SNED1: variants seen among roughly 807,000 people sequenced by gnomAD.
SNED1 encodes sushi, nidogen and EGF like domains 1.
In SNED1, 81 loss-of-function variants were observed where a neutral mutation model predicts 166.7. That is an observed-to-expected ratio of 0.49 (90% CI 0.41 to 0.58). The LOEUF is 0.58. Among genes scored for constraint, SNED1 ranks in the 20% least tolerant of loss-of-function variants. The pLI is 0.00. For synonymous variants in SNED1, 762 were observed against 822.0 expected (o/e 0.93, Z 1.25); for missense variants, 1,604 against 2,000.2 (o/e 0.80, Z 3.78).
intron 21 of SNED1, among the ~76,000 whole-genome samples, chr2:241,067,381 T>C (rs935593057): frequency 2.1e-4 from 32 of 152,212 alleles, no homozygotes; most frequent in Non-Finnish European, 1.6e-4. Context: ...GGCCCGGATG[T>C]GTGCTCTTAG....
At chr2:241,034,234 C>T (rs1190328440) in intron 3 of SNED1, among the ~76,000 whole-genome samples, 2 of 152,208 alleles carry the variant, frequency 1.3e-5, no homozygotes, top group South Asian at 2.1e-4. Flanking sequence ...GGGAATGAAA[C>T]AGGACAATGG....
chr2:241,049,752 A>G (rs1472227229), intron 11 of SNED1, 65 bp from the exon 12 acceptor site: 3 of 1,287,520 alleles, frequency 2.3e-6, no homozygotes, highest in Middle Eastern at 2.2e-4. Context: ...GGTGCCCGCC[A>G]GCCTCTTGCC....
At chr2:241,009,505 A>G (rs530815699) in intron 1 of SNED1, among the ~76,000 whole-genome samples, 17 of 152,084 alleles carry the variant, frequency 1.1e-4, no homozygotes, top group Non-Finnish European at 2.2e-4. Context: ...GCTGGTGGAG[A>G]GGGAGAGGCT....
intron 6 of SNED1, among the ~76,000 whole-genome samples, chr2:241,038,554 G>C (rs1333236361): frequency 6.6e-6 from 1 of 152,260 alleles, no homozygotes; most frequent in Non-Finnish European, 1.5e-5. Flanking sequence ...AGTGACCCCA[G>C]TTATCCCTTG....
intron 27 of SNED1, among the ~76,000 whole-genome samples, chr2:241,076,903 C>G (rs948382915): frequency 7.2e-5 from 11 of 152,122 alleles, no homozygotes; most frequent in Non-Finnish European, 1.5e-4. Flanking sequence ...CATGGTGAAA[C>G]CCCGTCTCTA....
chr2:241,012,783 AG>A (rs1300836175), intron 1 of SNED1, among the ~76,000 whole-genome samples: 4 of 151,356 alleles, frequency 2.6e-5, no homozygotes, highest in Admixed American at 1.3e-4. Context: ...TTACTCTCTT[AG>A]CAAATTTCAA....
At chr2:241,065,185 C>G (rs1014673952) in intron 20 of SNED1, 114 bp from the exon 21 acceptor site, 1 of 1,096,982 alleles carries the variant, frequency 9.1e-7, no homozygotes, top group Non-Finnish European at 1.3e-6. Context: ...ACTCTGCCAG[C>G]GATGGCTGTG....
At chr2:241,025,707 G>T (rs1282843936) in intron 1 of SNED1, among the ~76,000 whole-genome samples, 3 of 151,924 alleles carry the variant, frequency 2.0e-5, no homozygotes, top group Admixed American at 2.0e-4. Flanking sequence ...TCTTTATTTT[G>T]CCTTCCATAG....
At chr2:240,998,137 T>G (rs2059968445), upstream of SNED1, among the ~76,000 whole-genome samples, 1 of 152,232 alleles carries the variant, frequency 6.6e-6, no homozygotes, top group African/African-American at 2.4e-5. Flanking sequence ...CCATGCCTCC[T>G]AGTCTCCGGC....
At chr2:241,062,099 ATTG>A (rs1163672763) in intron 16 of SNED1, among the ~76,000 whole-genome samples, 1 of 152,230 alleles carries the variant, frequency 6.6e-6, no homozygotes, top group Non-Finnish European at 1.5e-5. Context: ...AACATTCACT[ATTG>A]TTTAGGCAAT....
intron 1 of SNED1, among the ~76,000 whole-genome samples, chr2:241,002,951 C>T (rs57969004): frequency 0.029 from 4,413 of 152,096 alleles, 433 homozygotes; most frequent in East Asian, 0.28. Flanking sequence ...TGTCCATCCC[C>T]ACTTGCCTGG....
At position 241,036,686 on chromosome 2, in the gene SNED1, C is replaced by T. The variant is rs1015176358; in HGVS notation, c.806-104C>T. 7.8e-5 allele frequency: 117 copies of T among 1,502,324 alleles called. 1 individual carries two copies. In the African/African-American group the frequency reaches 8.5e-4, roughly 11 times the overall value. 93.1% of individuals were successfully genotyped at this position (1,502,324 alleles called of 1,614,324 possible). ...TGCGGTCACCCGGGCACCCAGAGGCCGACCTTTTGGGTCAGGGGAGGGAAG... is the reference window on the plus strand; with the variant it reads ...TGCGGTCACCCGGGCACCCAGAGGCTGACCTTTTGGGTCAGGGGAGGGAAG... On this transcript the variant is annotated intron_variant, in intron 4 of 31. Coordinates refer to ENST00000310397, the MANE Select transcript of SNED1 (RefSeq NM_001080437.3).
chr2:241,036,288 T>TAGGGAGTCCGGGCTCACGGGGC (rs1480489501), intron 4 of SNED1, among the ~76,000 whole-genome samples: 5 of 151,558 alleles, frequency 3.3e-5, no homozygotes, highest in African/African-American at 1.2e-4. Flanking sequence ...CATCTGAGCT[T>TAGGGAGTCCGGGCTCACGGGGC]AGGGAGTCCG....
intron 27 of SNED1, among the ~76,000 whole-genome samples, chr2:241,077,612 C>A (rs1018652998): frequency 6.6e-6 from 1 of 152,060 alleles, no homozygotes; most frequent in Non-Finnish European, 1.5e-5. Context: ...CATACCTGAT[C>A]AGAGACCCAT....
At chr2:241,016,195 T>C (rs2060583976) in intron 1 of SNED1, among the ~76,000 whole-genome samples, 2 of 142,704 alleles carry the variant, frequency 1.4e-5, no homozygotes, top group Admixed American at 6.9e-5. Flanking sequence ...TGGATTTTTT[T>C]TTTTTTTTTT....
rs950978247 is a variant in SNED1, at chr2:241,069,479, C to T, written c.3308-441C>T. Reference sequence around the variant, plus strand: ...GCAGGGGAGGGACAGGTGAACTGGGCAGAGGGGAGGCTGCAGCTCCCTCTG... The same window carrying T: ...GCAGGGGAGGGACAGGTGAACTGGGTAGAGGGGAGGCTGCAGCTCCCTCTG... On this transcript the variant is annotated intron_variant, in intron 23 of 31. Coordinates refer to ENST00000310397, the MANE Select transcript of SNED1 (RefSeq NM_001080437.3). The surrounding 1 kb of genome is among the most constrained non-coding windows in gnomAD (Gnocchi z 4.9). 1.3e-5 allele frequency among the ~76,000 whole-genome samples: 2 copies of T among 152,168 alleles called. No individual in the cohort carries two copies. The highest frequency in any genetic ancestry group is 2.9e-5 in the Non-Finnish European group (2 of 68,010).
chr2:241,069,162 G>T lies in SNED1; in HGVS notation c.3307+139G>T. Reference sequence around the variant, plus strand: ...CCCTGGCCTCCCAGATGTCTCTTCCGCTGGGGCCACTGGGCAGGAGCCGCT... The same window carrying T: ...CCCTGGCCTCCCAGATGTCTCTTCCTCTGGGGCCACTGGGCAGGAGCCGCT... On this transcript the variant is annotated intron_variant, in intron 23 of 31. Coordinates refer to ENST00000310397, the MANE Select transcript of SNED1 (RefSeq NM_001080437.3). The surrounding 1 kb of genome is among the most constrained non-coding windows in gnomAD (Gnocchi z 4.9). The T allele has an allele frequency of 3.2e-6, 2 of 623,522 alleles. No homozygotes were observed. Among genetic ancestry groups the T allele is most frequent in the Admixed American group, 3.1e-5 (1 of 32,772 alleles). 38.6% of individuals were successfully genotyped at this position (623,522 alleles called of 1,614,324 possible).
At chr2:241,036,576 C>G (rs1429492528) in intron 4 of SNED1, among the ~76,000 whole-genome samples, 1 of 152,146 alleles carries the variant, frequency 6.6e-6, no homozygotes, top group African/African-American at 2.4e-5. Flanking sequence ...AGCCACCTCC[C>G]CAGAGGCCAC....
intron 1 of SNED1, among the ~76,000 whole-genome samples, chr2:241,000,847 C>A (rs1265672442): frequency 6.6e-6 from 1 of 152,234 alleles, no homozygotes; most frequent in Non-Finnish European, 1.5e-5. Context: ...TGCACTTCAC[C>A]TTTCTGTTTG....
Sources: allele counts gnomAD v4.1 joint callset (sites outside exome capture counted in the v4.1 genomes callset), GRCh38; gene constraint gnomAD v4.1.1; non-coding constraint Gnocchi (gnomAD v3.1); transcripts MANE v1.5; gene names NCBI Gene and HGNC (gene_info 2026-07-23, HGNC 2026-07-21).